Variants in EXOC1 observed in about 807,000 individuals in gnomAD.
EXOC1 encodes the protein exocyst complex component 1, also known as SEC3-like 1.
Under a neutral mutation model 107.7 loss-of-function variants are expected in EXOC1, and 67 were observed. The observed-to-expected ratio is 0.62, with a 90% CI of 0.51 to 0.76. The LOEUF is 0.76. Ranked by LOEUF, EXOC1 falls within the 30% of genes least tolerant of loss-of-function variation. The pLI, the probability that EXOC1 is intolerant of heterozygous loss-of-function variation, is 0.00. For synonymous variants in EXOC1, 348 were observed against 353.5 expected (o/e 0.98, Z 0.17); for missense variants, 833 against 1,055.7 (o/e 0.79, Z 2.92).
At chr4:55,875,676 C>T (rs561803557) in intron 8 of EXOC1, 27 of 984,926 alleles carry the variant, frequency 2.7e-5, no homozygotes, top group Admixed American at 2.5e-4. Context: ...TTTTGGATAA[C>T]GATACATTGT....
At chr4:55,858,768 G>C (rs762086203) in intron 2 of EXOC1, among the ~76,000 whole-genome samples, 2 of 152,050 alleles carry the variant, frequency 1.3e-5, no homozygotes, top group Non-Finnish European at 2.9e-5. Flanking sequence ...CTGTTGTGTT[G>C]CTTGTCCTTT....
chr4:55,871,978 A>G lies in EXOC1; in HGVS notation c.1074+20A>G. The G allele has an allele frequency of 6.2e-7, 1 of 1,600,712 alleles. No individual in the cohort carries two copies. The highest frequency in any genetic ancestry group is 1.1e-5 in the South Asian group (1 of 90,536). The stretch of plus-strand genomic sequence containing the variant: ...CAACAGGTAATTTTATTTTATTATT[A>G]AAACGAGCATGTTCCTATAGCTTAT... On this transcript the variant is annotated intron_variant, in intron 8 of 18. Transcript: ENST00000381295.
chr4:55,893,562 A>T lies in EXOC1; in HGVS notation c.1735A>T (p.Ile579Phe). 6.2e-7 allele frequency: 1 copy of T among 1,613,034 alleles called. No homozygotes were observed. ...PLPVSSEKDM[I>F]RQMMIKIFRC... is the part of the protein sequence containing the mutation. The stretch of plus-strand genomic sequence containing the variant: ...CTGTTTTCTGAACAGGAAAGATATG[A>T]TCCGCCAAATGATGATTAAAATATT... The change falls in exon 15 of 19, where the codon ATC (isoleucine) becomes TTC (phenylalanine). Residue 579 changes from isoleucine to phenylalanine, a missense_variant. Ile to Phe is a conservative substitution (Grantham distance 21). Around this residue, in one of 2 missense-constraint regions of EXOC1, gnomAD observed 617 missense variants for 701.3 expected, o/e 0.88. Coordinates refer to ENST00000381295, the MANE Select transcript of EXOC1 (RefSeq NM_001024924.2).
At position 55,871,876 on chromosome 4, in the gene EXOC1, A is replaced by G. The variant is rs747009885; in HGVS notation, c.992A>G (p.Gln331Arg). Reference protein sequence around the residue: ...PGHDLLLAVKQQQQRFSDLRE... With the variant: ...PGHDLLLAVKRQQQRFSDLRE... Reference sequence around the variant, plus strand: ...CATGACTTGCTTCTGGCAGTCAAACAGCAACAGCAGCGATTCAGTGATTTG... The same window carrying G: ...CATGACTTGCTTCTGGCAGTCAAACGGCAACAGCAGCGATTCAGTGATTTG... Residue 331 changes from glutamine to arginine, a missense_variant, in exon 8 of 19, where the codon CAG becomes CGG. Physicochemically the swap from Gln to Arg is conservative, Grantham distance 43 (BLOSUM62 1). This residue lies in a region of EXOC1 where 617 missense variants were observed against 701.3 expected (regional missense o/e 0.88). Coordinates refer to ENST00000381295, the MANE Select transcript of EXOC1 (RefSeq NM_001024924.2). The G allele has an allele frequency of 6.2e-7, 1 of 1,613,832 alleles. No individual in the cohort carries two copies. Among genetic ancestry groups the G allele is most frequent in the Non-Finnish European group, 8.5e-7 (1 of 1,179,812 alleles).
At chr4:55,894,614 CTT>C (rs772700227) in intron 15 of EXOC1, among the ~76,000 whole-genome samples, 36 of 76,120 alleles carry the variant, frequency 4.7e-4, no homozygotes, top group East Asian at 1.9e-3. Context: ...CTATCTGTTA[CTT>C]TTTTTTTTTT....
At chr4:55,873,637 T>A (rs1722637392) in intron 8 of EXOC1, among the ~76,000 whole-genome samples, 1 of 152,202 alleles carries the variant, frequency 6.6e-6, no homozygotes, top group African/African-American at 2.4e-5. Flanking sequence ...GAAAAGCTGA[T>A]ATGTGTTATT....
At chr4:55,872,685 G>A (rs1189230165) in intron 8 of EXOC1, 5 of 591,498 alleles carry the variant, frequency 8.5e-6, no homozygotes, top group Non-Finnish European at 1.1e-5. Context: ...GAAAACAATG[G>A]ATTTTTACTT....
rs528473660 is a variant in EXOC1 at position 55,858,480 on chromosome 4, G to A, written c.124+33G>A. The A allele has an allele frequency of 5.2e-6, 8 of 1,535,358 alleles. No individual in the cohort carries two copies. In the African/African-American group the frequency reaches 8.4e-5, roughly 16 times the overall value. ...TTTAGTAAGAAAGAGTACTTGTTTT[G>A]TATCCTTTTATTATTTAGAAGATAT... On this transcript the variant is annotated intron_variant, in intron 2 of 18. Coordinates refer to ENST00000381295, the MANE Select transcript of EXOC1 (RefSeq NM_001024924.2).
chr4:55,864,041 A>G (rs1721727705), intron 3 of EXOC1, among the ~76,000 whole-genome samples, 186 bp from the exon 4 acceptor site: 1 of 152,362 alleles, frequency 6.6e-6, no homozygotes, highest in East Asian at 1.9e-4. Context: ...TTTTTCATCC[A>G]GCTCCTTTGG....
intron 9 of EXOC1, among the ~76,000 whole-genome samples, chr4:55,881,806 C>T (rs1723407109): frequency 1.3e-5 from 2 of 152,160 alleles, no homozygotes; most frequent in Non-Finnish European, 2.9e-5. Context: ...CAAGCAGTTC[C>T]CAGCTTGACT....
At chr4:55,860,308 A>G (rs1721353314) in intron 2 of EXOC1, 103 bp from the exon 3 acceptor site, 1 of 1,407,376 alleles carries the variant, frequency 7.1e-7, no homozygotes, top group Non-Finnish European at 9.7e-7. Context: ...CACCTCTTTT[A>G]GTATCAGCTA....
At chr4:55,890,548 A>AAT (rs71192053) in intron 12 of EXOC1, among the ~76,000 whole-genome samples, 162 bp downstream of exon 12, 1 of 149,480 alleles carries the variant, frequency 6.7e-6, no homozygotes, top group East Asian at 2.0e-4. Context: ...AAAAAAAAAA[A>AAT]CTAGTCAAAG....
chr4:55,857,436 G>A (rs112973137), intron 1 of EXOC1, among the ~76,000 whole-genome samples: 2,068 of 151,928 alleles, frequency 0.014, 63 homozygotes, highest in African/African-American at 0.047. Context: ...CCAAAGAGCT[G>A]GGATTACAAG....
chr4:55,858,216 G>T, intron 1 of EXOC1, 98 bp from the exon 2 acceptor site: 2 of 1,264,930 alleles, frequency 1.6e-6, no homozygotes, highest in Non-Finnish European at 1.1e-6. Context: ...TTTTTCCTAG[G>T]CTTGTTAACC....
chr4:55,856,055 G>A (rs1720935672), intron 1 of EXOC1, among the ~76,000 whole-genome samples: 1 of 152,092 alleles, frequency 6.6e-6, no homozygotes, highest in Admixed American at 6.6e-5. Context: ...GAGTAATAAG[G>A]ATTTACAACA....
Position 55,889,004 on chromosome 4 carries a change from GA to G in EXOC1, c.1375+78del, listed in dbSNP as rs1318124150. 1.4e-5 allele frequency: 21 copies of G among 1,542,316 alleles called. No homozygotes were observed. The East Asian group carries it at 4.5e-4, about 33-fold the overall frequency. On this transcript the variant is annotated intron_variant, in intron 11 of 18. Coordinates refer to ENST00000381295, the MANE Select transcript of EXOC1 (RefSeq NM_001024924.2). ...TTAATGTCTAGAAATTAGTTGTCTT[GA>G]AAAAAGGTAACACCAAAAATTTTGA...
chr4:55,853,828 C>G lies in EXOC1; in HGVS notation c.-136C>G, dbSNP rs1313084043. On this transcript the variant is annotated 5_prime_UTR_variant, in exon 1 of 19. Coordinates refer to ENST00000381295, the MANE Select transcript of EXOC1 (RefSeq NM_001024924.2). The stretch of plus-strand genomic sequence containing the variant: ...CCTTCGGCCGCGGCTGCCCGGTAGT[C>G]CCGGCGGCGGCGGACAGACGAGCTG... 5.3e-5 allele frequency: 8 copies of G among 152,362 alleles called. No individual in the cohort carries two copies. The highest frequency in any genetic ancestry group is 4.6e-4 in the Admixed American group (7 of 15,288). 9.4% of individuals were successfully genotyped at this position (152,362 alleles called of 1,614,324 possible).
At chr4:55,877,566 A>G (rs535723966) in intron 8 of EXOC1, 1 of 985,370 alleles carries the variant, frequency 1.0e-6, no homozygotes, top group African/African-American at 1.7e-5. Context: ...AATTCAAGCT[A>G]TATCAAGAAG....
At chr4:55,888,630 G>A (rs1207721307) in intron 10 of EXOC1, among the ~76,000 whole-genome samples, 1 of 151,540 alleles carries the variant, frequency 6.6e-6, no homozygotes, top group African/African-American at 2.4e-5. Context: ...AAGTGTAGGG[G>A]GGTTACACAT....
Sources: allele counts gnomAD v4.1 joint callset (sites outside exome capture counted in the v4.1 genomes callset), GRCh38; gene constraint gnomAD v4.1.1; regional missense constraint gnomAD v4.1.1; transcripts MANE v1.5; gene names NCBI Gene and HGNC (gene_info 2026-07-23, HGNC 2026-07-21).